Variants in GPR143 observed in about 807,000 individuals in gnomAD.
GPR143 encodes G protein-coupled receptor 143.
GPR143 carries 8 observed loss-of-function variants against 27.6 expected under a neutral mutation model. That is an observed-to-expected ratio of 0.29 (90% CI 0.17 to 0.52). GPR143 has a LOEUF of 0.52. Among genes scored for constraint, GPR143 ranks in the 20% least tolerant of loss-of-function variants. The probability of loss-of-function intolerance (pLI) is 0.96; values close to 1 mark genes in which losing one functional copy is unlikely to be tolerated. For missense variants in GPR143, 303 were observed against 343.1 expected (o/e 0.88, Z 0.92); for synonymous variants, 156 against 153.2 (o/e 1.02, Z -0.13).
chrX:9,736,853 TTAGAA>T (rs1013186955), intron 8 of GPR143, among the ~76,000 whole-genome samples: 6 of 112,413 alleles, frequency 5.3e-5, no homozygotes, highest in African/African-American at 1.9e-4. Context: ...TGTTCTATTG[TTAGAA>T]TAGAATGATT....
chrX:9,772,475 C>T (rs2083557777), intron 1 of GPR143, among the ~76,000 whole-genome samples: 1 of 111,903 alleles, frequency 8.9e-6, no homozygotes, highest in African/African-American at 3.2e-5. Context: ...GTTTGCTTCA[C>T]AGTGATTCAA....
chrX:9,745,203 C>T lies in GPR143; in HGVS notation c.658+841G>A, dbSNP rs139308268. The stretch of plus-strand genomic sequence containing the variant: ...ATGGGCAGCAGAGGTTGCAGTGAGC[C>T]GAGATCACGCCACTGCACTCCAGCC... On this transcript the variant is annotated intron_variant, in intron 5 of 8. Transcript: ENST00000467482. Among the ~76,000 whole-genome samples, 780 of 112,745 alleles carry T rather than the reference C, an allele frequency of 6.9e-3. 3 individuals are homozygous for T. Among genetic ancestry groups the T allele is most frequent in the African/African-American group, 0.024 (738 of 31,116 alleles).
chrX:9,776,286 GT>G (rs1355114268), intron 1 of GPR143, among the ~76,000 whole-genome samples: 4 of 112,709 alleles, frequency 3.5e-5, no homozygotes, highest in Non-Finnish European at 7.5e-5. Flanking sequence ...TTTAAGTGCA[GT>G]GGCCCTTTAC....
At chrX:9,761,639 CA>C (rs199985472) in intron 1 of GPR143, among the ~76,000 whole-genome samples, 16,232 of 111,690 alleles carry the variant, frequency 0.15, 913 homozygotes, top group Middle Eastern at 0.2. Flanking sequence ...TTAAACACAA[CA>C]TTTAAAATTT....
upstream of GPR143, among the ~76,000 whole-genome samples, chrX:9,766,929 A>T (rs1402529542): frequency 1.8e-5 from 2 of 108,419 alleles, no homozygotes; most frequent in African/African-American, 6.8e-5. Flanking sequence ...ACACACACAC[A>T]CACACACACA....
intron 5 of GPR143, among the ~76,000 whole-genome samples, chrX:9,745,646 TCAGC>T (rs2146689219): frequency 8.9e-6 from 1 of 112,124 alleles, no homozygotes; most frequent in South Asian, 3.7e-4. Context: ...AGAAAAAACA[TCAGC>T]CAAGTGCATT....
intron 1 of GPR143, among the ~76,000 whole-genome samples, chrX:9,763,542 T>G (rs568966532): frequency 6.6e-4 from 74 of 111,487 alleles, no homozygotes; most frequent in African/African-American, 2.3e-3. Flanking sequence ...TAGGGCTCTC[T>G]CTGAGATCTG....
chrX:9,729,062 A>T (rs752185897), intron 8 of GPR143, among the ~76,000 whole-genome samples: 1 of 111,187 alleles, frequency 9.0e-6, no homozygotes, highest in East Asian at 2.8e-4. Context: ...TCGCCCAGCC[A>T]GATCCTGAGG....
At chrX:9,772,465 G>T (rs749838495) in intron 1 of GPR143, among the ~76,000 whole-genome samples, 9 of 111,842 alleles carry the variant, frequency 8.0e-5, no homozygotes, top group Non-Finnish European at 1.7e-4. Flanking sequence ...GTAAAACAGG[G>T]TTTGCTTCAC....
At chrX:9,750,193 T>G (rs2083445551) in intron 3 of GPR143, among the ~76,000 whole-genome samples, 1 of 112,516 alleles carries the variant, frequency 8.9e-6, no homozygotes, top group South Asian at 3.6e-4. Flanking sequence ...ACATGTGTTA[T>G]GTACCAGTAT....
At chrX:9,753,976 G>A (rs6638961) in intron 3 of GPR143, among the ~76,000 whole-genome samples, 6 of 111,159 alleles carry the variant, frequency 5.4e-5, no homozygotes, top group African/African-American at 2.0e-4. Context: ...AGTTGAGGCC[G>A]CAGCCTTCCA....
intron 6 of GPR143, among the ~76,000 whole-genome samples, chrX:9,743,218 C>CAA (rs35238066): frequency 3.9e-3 from 142 of 36,755 alleles, no homozygotes; most frequent in Non-Finnish European, 4.7e-3. Flanking sequence ...GACCCTGTCT[C>CAA]AAAAAAAAAA....
At chrX:9,764,461 C>T (rs1333186537) in intron 1 of GPR143, among the ~76,000 whole-genome samples, 3 of 107,918 alleles carry the variant, frequency 2.8e-5, no homozygotes, top group Non-Finnish European at 5.7e-5. Flanking sequence ...ACAAAATACT[C>T]GAGAGAATAT....
chrX:9,775,921 T>C (rs1168466882), intron 1 of GPR143, among the ~76,000 whole-genome samples: 1 of 112,310 alleles, frequency 8.9e-6, no homozygotes, highest in African/African-American at 3.2e-5. Flanking sequence ...GAGATGACTC[T>C]GGGATGACTG....
chrX:9,736,235 G>A (rs2083378928), intron 8 of GPR143, among the ~76,000 whole-genome samples: 1 of 111,741 alleles, frequency 8.9e-6, no homozygotes, highest in Non-Finnish European at 1.9e-5. Flanking sequence ...AGAGCCAAAA[G>A]TCCGATGTGG....
chrX:9,739,782 G>A, intron 7 of GPR143, 63 bp from the exon 8 acceptor site: 1 of 774,621 alleles, frequency 1.3e-6, no homozygotes, highest in Non-Finnish European at 1.9e-6. Flanking sequence ...AGAGCCCTGG[G>A]CTGTCACAGA....
At position 9,741,469 on chromosome X, in the gene GPR143, A is replaced by T. The variant is rs759820020; in HGVS notation, c.768-14T>A. On this transcript the variant is annotated splice_polypyrimidine_tract_variant and intron_variant, in intron 6 of 8. Coordinates refer to ENST00000467482, the MANE Select transcript of GPR143 (RefSeq NM_000273.3). ...TTCGACAACCAACTGTTAGAAAGAA[A>T]ATGGCAGCAGGTAAAGAGAACATGC... The T allele has an allele frequency of 4.9e-6, 4 of 815,403 alleles. No homozygotes were observed. Among genetic ancestry groups the T allele is most frequent in the Non-Finnish European group, 5.6e-6 (3 of 534,052 alleles). 67.2% of individuals were successfully genotyped at this position (815,403 alleles called of 1,213,427 possible). A position where few individuals can be genotyped will look rare whatever the true frequency, so the allele number is the denominator to read the frequency against.
chrX:9,773,512 T>C (rs868747293), intron 1 of GPR143, among the ~76,000 whole-genome samples: 14 of 98,171 alleles, frequency 1.4e-4, no homozygotes, highest in African/African-American at 2.8e-4. Flanking sequence ...CACACACACA[T>C]AAACACACAC....
At chrX:9,734,080 C>CA (rs34722888) in intron 8 of GPR143, among the ~76,000 whole-genome samples, 7,543 of 57,672 alleles carry the variant, frequency 0.13, 437 homozygotes, top group Middle Eastern at 0.23. Context: ...AACTCTGTCT[C>CA]AAAAAAAAAA....
Sources: gnomAD v4.1 joint callset for allele counts (sites outside exome capture counted in the v4.1 genomes callset) on GRCh38, gnomAD v4.1.1 for gene constraint, MANE v1.5 for transcripts, NCBI Gene and HGNC (gene_info 2026-07-23, HGNC 2026-07-21) for gene names.